Variants in TSNAX observed in about 807,000 individuals in gnomAD.
TSNAX encodes translin associated factor X, also known as translin-associated protein X.
Under a neutral mutation model 33.0 loss-of-function variants are expected in TSNAX, and 12 were observed. That is an observed-to-expected ratio of 0.36 (90% CI 0.23 to 0.59). The LOEUF is 0.59. Among genes scored for constraint, TSNAX ranks in the 20% least tolerant of loss-of-function variants. The probability of loss-of-function intolerance (pLI) is 0.74; values close to 1 mark genes in which losing one functional copy is unlikely to be tolerated. For synonymous variants in TSNAX, 110 were observed against 117.2 expected (o/e 0.94, Z 0.40); for missense variants, 267 against 341.3 (o/e 0.78, Z 1.72).
intron 4 of TSNAX, among the ~76,000 whole-genome samples, chr1:231,559,840 A>G (rs1263467079): frequency 6.6e-6 from 1 of 151,568 alleles, no homozygotes; most frequent in East Asian, 1.9e-4. Context: ...TTAAACTACC[A>G]AAGCAGAAAG....
Position 231,565,991 on chromosome 1 carries a change from A to G in TSNAX, c.*1086A>G, listed in dbSNP as rs1313840992. The G allele has an allele frequency of 6.6e-6, 1 of 152,044 alleles. No individual in the cohort carries two copies. The allele number at this position is 152,044 out of a possible 1,614,324, so 9.4% of individuals were successfully genotyped here. ...TACATACAATGGAAATGCTTTTAGT[A>G]GTGATTATTTAGCAATTTTTGTTTT... On this transcript the variant is annotated 3_prime_UTR_variant, in exon 6 of 6. Transcript: ENST00000366639.
At chr1:231,552,411 ATATT>A (rs1660379984) in intron 4 of TSNAX, among the ~76,000 whole-genome samples, 1 of 152,196 alleles carries the variant, frequency 6.6e-6, no homozygotes, top group African/African-American at 2.4e-5. Context: ...GCATATAGAT[ATATT>A]TATTTTCAGT....
intron 4 of TSNAX, among the ~76,000 whole-genome samples, chr1:231,551,520 A>G (rs532860174): frequency 3.3e-5 from 5 of 152,328 alleles, no homozygotes; most frequent in Non-Finnish European, 7.4e-5. Flanking sequence ...TTTGTTTGGC[A>G]TATAACCATT....
chr1:231,552,163 C>CA (rs939975240), intron 4 of TSNAX, among the ~76,000 whole-genome samples: 2 of 152,092 alleles, frequency 1.3e-5, no homozygotes, highest in African/African-American at 4.8e-5. Flanking sequence ...CAGGCACTTA[C>CA]AATCCCAGCT....
In TSNAX at chr1:231,554,291, T is replaced by C. The variant is rs186672088; in HGVS notation, c.368-6837T>C. ...AACTAGATAGTTCTGAATAATTGAA[T>C]ACCAAATTTTAAAATATTTTTTTTG... On this transcript the variant is annotated intron_variant, in intron 4 of 5. Transcript: ENST00000366639. Among the ~76,000 whole-genome samples, 765 of 152,326 alleles carry C rather than the reference T, an allele frequency of 5.0e-3. 4 individuals carry two copies. The highest frequency in any genetic ancestry group is 0.017 in the African/African-American group (718 of 41,564).
At chr1:231,544,948 G>A (rs528065782) in intron 4 of TSNAX, among the ~76,000 whole-genome samples, 1 of 152,118 alleles carries the variant, frequency 6.6e-6, no homozygotes, top group Non-Finnish European at 1.5e-5. Context: ...TTAGGCCTTC[G>A]TTTATGATTT....
chr1:231,547,389 CTTTTTTTTTT>C (rs71179784), intron 4 of TSNAX, among the ~76,000 whole-genome samples: 3 of 104,700 alleles, frequency 2.9e-5, no homozygotes, highest in Non-Finnish European at 5.7e-5. Flanking sequence ...TTTTTTTTTT[CTTTTTTTTTT>C]TTTTTTTTTG....
At chr1:231,548,792 C>T (rs1055953917) in intron 4 of TSNAX, among the ~76,000 whole-genome samples, 2 of 152,182 alleles carry the variant, frequency 1.3e-5, no homozygotes, top group East Asian at 3.9e-4. Flanking sequence ...TCTGCAGTTA[C>T]AGCCTTGGAG....
chr1:231,530,400 A>G (rs188736538), intron 2 of TSNAX, among the ~76,000 whole-genome samples: 3 of 152,274 alleles, frequency 2.0e-5, no homozygotes, highest in African/African-American at 4.8e-5. Flanking sequence ...ACTGATACAG[A>G]AGGTGGAGTT....
chr1:231,564,220 C>T (rs1655284), intron 5 of TSNAX, among the ~76,000 whole-genome samples: 124,588 of 152,186 alleles, frequency 0.82, 51,603 homozygotes, highest in Non-Finnish European at 0.88. Flanking sequence ...AAGCCTTGTT[C>T]AAGAATATTT....
chr1:231,548,531 TAGC>T (rs1246309140), intron 4 of TSNAX, among the ~76,000 whole-genome samples: 1 of 152,198 alleles, frequency 6.6e-6, no homozygotes, highest in African/African-American at 2.4e-5. Context: ...AGTTTGGTGT[TAGC>T]AGTGGGAATA....
Position 231,564,944 on chromosome 1 carries a change from C to A in TSNAX, c.*39C>A. ...TCAGTTACTAATTCTTTTGAGAACT[C>A]CTAAGAGACCAATTTGTAAGACTTA... On this transcript the variant is annotated 3_prime_UTR_variant, in exon 6 of 6. Coordinates refer to ENST00000366639, the MANE Select transcript of TSNAX (RefSeq NM_005999.3). 6.4e-7 allele frequency: 1 copy of A among 1,570,496 alleles called. No homozygotes were observed. The highest frequency in any genetic ancestry group is 1.2e-5 in the South Asian group (1 of 84,052).
intron 2 of TSNAX, chr1:231,536,859 A>T (rs56102969): frequency 0.011 from 1,759 of 158,632 alleles, 17 homozygotes; most frequent in Non-Finnish European, 0.016. Flanking sequence ...TTTGAGACGG[A>T]GTCTCGCTCT....
chr1:231,536,489 T>C (rs527739642), intron 2 of TSNAX: 1 of 152,382 alleles, frequency 6.6e-6, no homozygotes, highest in Non-Finnish European at 1.5e-5. Context: ...CATTTTAATA[T>C]ACACGTGCTA....
intron 2 of TSNAX, among the ~76,000 whole-genome samples, chr1:231,531,437 T>A (rs553132717): frequency 6.6e-6 from 1 of 152,354 alleles, no homozygotes; most frequent in Admixed American, 6.5e-5. Flanking sequence ...GTTTTTTACA[T>A]ATATTTGTTA....
At chr1:231,531,210 G>A (rs776188040) in intron 2 of TSNAX, among the ~76,000 whole-genome samples, 2 of 151,996 alleles carry the variant, frequency 1.3e-5, no homozygotes, top group Admixed American at 6.6e-5. Context: ...TGCCCGTCTC[G>A]GCCTCTCAGA....
At chr1:231,530,742 G>A (rs1658646544) in intron 2 of TSNAX, among the ~76,000 whole-genome samples, 1 of 150,354 alleles carries the variant, frequency 6.7e-6, no homozygotes, top group Admixed American at 6.6e-5. Flanking sequence ...CGAAAAATTA[G>A]TTGGTCGTAG....
chr1:231,531,795 G>A (rs1267317526), intron 2 of TSNAX, among the ~76,000 whole-genome samples: 1 of 152,130 alleles, frequency 6.6e-6, no homozygotes, highest in East Asian at 1.9e-4. Context: ...AAATAAAGGC[G>A]TTATTAAGAG....
In TSNAX at chr1:231,532,743, TAAG is replaced by T. The variant is rs1397300891; in HGVS notation, c.121+3385_121+3387del. 5.3e-5 allele frequency among the ~76,000 whole-genome samples: 8 copies of T among 151,922 alleles called. No homozygotes were observed. The East Asian group carries it at 1.7e-3, about 31-fold the overall frequency. On this transcript the variant is annotated intron_variant, in intron 2 of 5. Transcript: ENST00000366639. ...TTGTACAGTATTCCCATTGTGAGAC[TAAG>T]TAGTAAAACCCAGTTAATACATACC... is the stretch of plus-strand genomic sequence containing the variant.
Sources: allele counts gnomAD v4.1 joint callset (sites outside exome capture counted in the v4.1 genomes callset), GRCh38; gene constraint gnomAD v4.1.1; transcripts MANE v1.5; gene names NCBI Gene and HGNC (gene_info 2026-07-23, HGNC 2026-07-21).